Variants in NXPE2 observed in about 807,000 individuals in gnomAD.
NXPE2 encodes neurexophilin and PC-esterase domain family member 2, also known as NXPE family member 2.
A neutral mutation model predicts 34.4 loss-of-function variants in NXPE2; 34 were observed. The observed-to-expected ratio is 0.99, with a 90% CI of 0.75 to 1.31. The LOEUF is 1.31. Ranked by LOEUF, NXPE2 falls within the 40% of genes most tolerant of loss-of-function variation. The probability of loss-of-function intolerance (pLI) is 0.00; values close to 1 mark genes in which losing one functional copy is unlikely to be tolerated. For missense variants in NXPE2, 649 were observed against 672.5 expected, an observed-to-expected ratio of 0.97 and a Z score of 0.39; for synonymous variants, 235 against 231.3, an observed-to-expected ratio of 1.02 and a Z score of -0.15.
the NXPE2 span, among the ~76,000 whole-genome samples, chr11:114,542,964 A>G: frequency 9.7e-3 from 1,485 of 152,314 alleles, 30 homozygotes; most frequent in African/African-American, 0.034. Context: ...CAATTAAAGT[A>G]TATTTTCAGG....
chr11:114,475,387 GT>G, the NXPE2 span, among the ~76,000 whole-genome samples: 1 of 151,932 alleles, frequency 6.6e-6, no homozygotes, highest in Non-Finnish European at 1.5e-5. Flanking sequence ...GGGATCACAG[GT>G]GTGTGTCACC....
the NXPE2 span, among the ~76,000 whole-genome samples, chr11:114,572,595 T>C: frequency 1.3e-5 from 2 of 151,930 alleles, no homozygotes; most frequent in Non-Finnish European, 2.9e-5. Flanking sequence ...AGCAATAGAA[T>C]TGAACAAGCA....
chr11:114,639,560 C>T, the NXPE2 span, among the ~76,000 whole-genome samples: 6 of 150,846 alleles, frequency 4.0e-5, no homozygotes, highest in East Asian at 5.8e-4. Flanking sequence ...TCTTCTGCAT[C>T]GCTCAGGCCG....
the NXPE2 span, among the ~76,000 whole-genome samples, chr11:114,596,012 A>G: frequency 1.3e-5 from 2 of 152,220 alleles, no homozygotes; most frequent in Non-Finnish European, 2.9e-5. Flanking sequence ...TAAATATTAT[A>G]GTTACAATAA....
the NXPE2 span, among the ~76,000 whole-genome samples, chr11:114,585,377 G>A: frequency 2.0e-5 from 3 of 152,078 alleles, no homozygotes; most frequent in African/African-American, 7.2e-5. Context: ...CTATCCTTCT[G>A]CAAGAGATTC....
At chr11:114,653,775 A>G in the NXPE2 span, among the ~76,000 whole-genome samples, 1 of 151,828 alleles carries the variant, frequency 6.6e-6, no homozygotes, top group Non-Finnish European at 1.5e-5. Flanking sequence ...TGATCTGCCC[A>G]TCTCGGCCTC....
the NXPE2 span, among the ~76,000 whole-genome samples, chr11:114,736,296 C>A: frequency 6.6e-6 from 1 of 152,160 alleles, no homozygotes; most frequent in Non-Finnish European, 1.5e-5. Context: ...CTATGGGAGA[C>A]TGGGGCTTAT....
the NXPE2 span, among the ~76,000 whole-genome samples, chr11:114,766,710 C>A: frequency 1.3e-5 from 2 of 152,052 alleles, no homozygotes; most frequent in Non-Finnish European, 2.9e-5. Flanking sequence ...TCTCAGTGTT[C>A]AGGTTCATGC....
chr11:114,482,109 A>T, the NXPE2 span, among the ~76,000 whole-genome samples: 1 of 152,146 alleles, frequency 6.6e-6, no homozygotes, highest in Admixed American at 6.6e-5. Flanking sequence ...GCACGCACAC[A>T]TTTATTGAGT....
the NXPE2 span, among the ~76,000 whole-genome samples, chr11:114,729,376 T>A: frequency 0.025 from 3,778 of 152,256 alleles, 159 homozygotes; most frequent in African/African-American, 0.086. Flanking sequence ...AACTTACAAG[T>A]GCATGTGTCT....
the NXPE2 span, among the ~76,000 whole-genome samples, chr11:114,652,088 A>G: frequency 6.6e-6 from 1 of 152,178 alleles, no homozygotes; most frequent in Non-Finnish European, 1.5e-5. Flanking sequence ...ACCAATACTT[A>G]AATTTTTTTT....
the NXPE2 span, among the ~76,000 whole-genome samples, chr11:114,467,189 G>T: frequency 1.6e-4 from 24 of 152,156 alleles, no homozygotes; most frequent in African/African-American, 5.8e-4. Flanking sequence ...TTTGTCAAAG[G>T]TCAAAGATTC....
the NXPE2 span, among the ~76,000 whole-genome samples, chr11:114,647,118 T>C: frequency 6.6e-6 from 1 of 152,174 alleles, no homozygotes; most frequent in East Asian, 1.9e-4. Flanking sequence ...CCCTCATAAG[T>C]TGAAATGGTA....
At chr11:114,801,075 TTC>T in the NXPE2 span, among the ~76,000 whole-genome samples, 2 of 152,228 alleles carry the variant, frequency 1.3e-5, no homozygotes, top group African/African-American at 4.8e-5. Context: ...CACTGAGCAC[TTC>T]TCTTTGCCAG....
downstream of NXPE2, among the ~76,000 whole-genome samples, chr11:114,707,772 A>G (rs1951500817): frequency 6.6e-6 from 1 of 152,216 alleles, no homozygotes; most frequent in Non-Finnish European, 1.5e-5. Flanking sequence ...TAGGTAGCTC[A>G]TATAAGTGGG....
At chr11:114,571,174 C>T in the NXPE2 span, 1 of 1,613,954 alleles carries the variant, frequency 6.2e-7, no homozygotes, top group Non-Finnish European at 8.5e-7. Flanking sequence ...ACCATAGTGT[C>T]TGGGCTTCTC....
the NXPE2 span, among the ~76,000 whole-genome samples, chr11:114,536,313 G>T: frequency 4.9e-4 from 75 of 152,268 alleles, no homozygotes; most frequent in Non-Finnish European, 9.4e-4. Flanking sequence ...AGCACTAAAT[G>T]CCCACAAGAG....
At chr11:114,787,539 T>C in the NXPE2 span, among the ~76,000 whole-genome samples, 21 of 152,286 alleles carry the variant, frequency 1.4e-4, no homozygotes, top group African/African-American at 5.1e-4. Context: ...GCAGGGGCTA[T>C]AGCAAACAAT....
At chr11:114,751,127 T>C in the NXPE2 span, among the ~76,000 whole-genome samples, 2 of 152,162 alleles carry the variant, frequency 1.3e-5, no homozygotes, top group African/African-American at 4.8e-5. Context: ...CGAAGAAGCA[T>C]GCATGGGCTT....
Sources: allele counts gnomAD v4.1 joint callset (sites outside exome capture counted in the v4.1 genomes callset), GRCh38; gene constraint gnomAD v4.1.1; transcripts MANE v1.5; gene names NCBI Gene and HGNC (gene_info 2026-07-23, HGNC 2026-07-21).